BEST3: variants seen among roughly 807,000 people sequenced by gnomAD.
BEST3 encodes the protein bestrophin 3.
A neutral mutation model predicts 47.1 loss-of-function variants in BEST3; 50 were observed. That is an observed-to-expected ratio of 1.06 (90% CI 0.85 to 1.34). The LOEUF (loss-of-function observed/expected upper bound fraction) is 1.34. Ranked by LOEUF, BEST3 falls within the 40% of genes most tolerant of loss-of-function variation. The pLI is 0.00. For missense variants in BEST3, 765 were observed against 817.0 expected, an observed-to-expected ratio of 0.94 and a Z score of 0.78; for synonymous variants, 282 against 298.8, an observed-to-expected ratio of 0.94 and a Z score of 0.58.
At chr12:69,698,014 G>C (rs1344851889) in intron 1 of BEST3, among the ~76,000 whole-genome samples, 1 of 152,154 alleles carries the variant, frequency 6.6e-6, no homozygotes, top group African/African-American at 2.4e-5. Flanking sequence ...AGCAGTCTCT[G>C]GGAAGAGTAA....
chr12:69,686,779 C>CAAAAAAAA lies in BEST3; in HGVS notation c.481+6887_481+6894dup, dbSNP rs71094728. Among the ~76,000 whole-genome samples, 20 of 99,370 alleles carry CAAAAAAAA rather than the reference C, an allele frequency of 2.0e-4. 1 individual carries two copies. The highest frequency in any genetic ancestry group is 5.0e-3 in the Middle Eastern group (1 of 202). The allele number at this position is 99,370 out of a possible 152,430, so 65.2% of individuals were successfully genotyped here. On this transcript the variant is annotated intron_variant, in intron 4 of 9. Coordinates refer to ENST00000330891, the MANE Select transcript of BEST3 (RefSeq NM_032735.3). ...AGAGCAAGATTCTGCCTCAAAAAAA[C>CAAAAAAAA]AAAAAAAAAAGAAAGAAAAGAAAAA...
chr12:69,665,977 A>C (rs755166044), intron 9 of BEST3, among the ~76,000 whole-genome samples: 1 of 152,122 alleles, frequency 6.6e-6, no homozygotes, highest in Non-Finnish European at 1.5e-5. Context: ...TGATGGGTAC[A>C]TGGAGCTTTT....
intron 9 of BEST3, among the ~76,000 whole-genome samples, chr12:69,657,904 C>A (rs1378353264): frequency 6.6e-6 from 1 of 152,202 alleles, no homozygotes; most frequent in Non-Finnish European, 1.5e-5. Flanking sequence ...ACCCACCCTC[C>A]ACTGTGTGAG....
At chr12:69,655,960 AGG>A (rs1883466030) in intron 9 of BEST3, 147 bp from the exon 10 acceptor site, 1 of 1,264,898 alleles carries the variant, frequency 7.9e-7, no homozygotes, top group African/African-American at 1.5e-5. Context: ...AGTCTAGCAG[AGG>A]CTCACACACT....
intron 7 of BEST3, among the ~76,000 whole-genome samples, chr12:69,675,478 C>A (rs1004655516): frequency 5.9e-5 from 9 of 152,136 alleles, no homozygotes; most frequent in African/African-American, 2.2e-4. Flanking sequence ...AGGGAAGGAA[C>A]CATTATCTGC....
intron 4 of BEST3, among the ~76,000 whole-genome samples, chr12:69,687,851 A>G (rs552515672): frequency 5.5e-4 from 84 of 152,270 alleles, no homozygotes; most frequent in Non-Finnish European, 9.9e-4. Flanking sequence ...CTTGTTTATG[A>G]CAATGATTAA....
At chr12:69,671,377 C>T (rs1267819671) in intron 9 of BEST3, 51 bp downstream of exon 9, 1 of 1,491,140 alleles carries the variant, frequency 6.7e-7, no homozygotes, top group Non-Finnish European at 9.1e-7. Flanking sequence ...CAAGGTCTCA[C>T]TATGTTGCTC....
At chr12:69,650,965 G>T (rs1402358526), downstream of BEST3, among the ~76,000 whole-genome samples, 1 of 152,190 alleles carries the variant, frequency 6.6e-6, no homozygotes, top group African/African-American at 2.4e-5. Flanking sequence ...AGTTTTCTGA[G>T]CCAGGCACAG....
intron 9 of BEST3, among the ~76,000 whole-genome samples, chr12:69,657,094 A>C (rs569806763): frequency 4.6e-5 from 7 of 152,048 alleles, no homozygotes; most frequent in Non-Finnish European, 1.0e-4. Context: ...CTACCATTTA[A>C]TTAGTTAATT....
At chr12:69,695,908 A>G (rs950572024) in intron 2 of BEST3, among the ~76,000 whole-genome samples, 9 of 152,324 alleles carry the variant, frequency 5.9e-5, no homozygotes, top group African/African-American at 2.2e-4. Flanking sequence ...ATATTTGGCT[A>G]ATAGATGTAG....
At chr12:69,655,868 G>A (rs763685634) in intron 9 of BEST3, 55 bp from the exon 10 acceptor site, 1 of 1,524,608 alleles carries the variant, frequency 6.6e-7, no homozygotes, top group East Asian at 2.3e-5. Context: ...CCTAGCTTTG[G>A]GGGCAGAGTC....
At chr12:69,678,671 C>T (rs1483337547) in intron 5 of BEST3, 68 bp downstream of exon 5, 24 of 1,463,392 alleles carry the variant, frequency 1.6e-5, no homozygotes, top group African/African-American at 5.6e-5. Context: ...CCTGGTCTAA[C>T]GTGTTATATC....
chr12:69,657,084 C>T (rs2081187271), intron 9 of BEST3, among the ~76,000 whole-genome samples: 1 of 152,030 alleles, frequency 6.6e-6, no homozygotes, highest in African/African-American at 2.4e-5. Flanking sequence ...ACAAATAATT[C>T]TACCATTTAA....
At chr12:69,694,714 C>G (rs939092709) in intron 2 of BEST3, among the ~76,000 whole-genome samples, 18 of 152,036 alleles carry the variant, frequency 1.2e-4, no homozygotes, top group South Asian at 6.2e-4. Context: ...ATTTTAAAAA[C>G]TTTATATTTT....
intron 9 of BEST3, among the ~76,000 whole-genome samples, chr12:69,656,021 A>G (rs1593133471): frequency 6.6e-6 from 1 of 152,180 alleles, no homozygotes; most frequent in African/African-American, 2.4e-5. Context: ...TGCGTATCCC[A>G]AAGAGATTTG....
intron 8 of BEST3, among the ~76,000 whole-genome samples, chr12:69,671,920 AG>A (rs1399349198): frequency 1.3e-5 from 2 of 152,188 alleles, no homozygotes; most frequent in African/African-American, 4.8e-5. Flanking sequence ...TTTACCTGAT[AG>A]CACCTACTTA....
chr12:69,645,499 A>G (rs554897586), intron 9 of BEST3, among the ~76,000 whole-genome samples: 31 of 152,166 alleles, frequency 2.0e-4, no homozygotes, highest in African/African-American at 6.5e-4. Flanking sequence ...GAGGTGGTTG[A>G]GTGGTTACGG....
At chr12:69,688,761 T>A (rs1885784423) in intron 4 of BEST3, among the ~76,000 whole-genome samples, 1 of 152,132 alleles carries the variant, frequency 6.6e-6, no homozygotes, top group Non-Finnish European at 1.5e-5. Flanking sequence ...GGAAACTGAT[T>A]GCCTCAAAGC....
chr12:69,646,169 C>T (rs1213938467), intron 9 of BEST3, among the ~76,000 whole-genome samples: 5 of 152,112 alleles, frequency 3.3e-5, no homozygotes, highest in Non-Finnish European at 5.9e-5. Flanking sequence ...AACTCCTGAC[C>T]TCAAGTGACC....
Sources: allele counts gnomAD v4.1 joint callset (sites outside exome capture counted in the v4.1 genomes callset), GRCh38; gene constraint gnomAD v4.1.1; transcripts MANE v1.5; gene names NCBI Gene and HGNC (gene_info 2026-07-23, HGNC 2026-07-21).